PCCA: variants seen among roughly 807,000 people sequenced by gnomAD.
PCCA encodes the protein propionyl-CoA carboxylase subunit alpha.
Under a neutral mutation model 101.3 loss-of-function variants are expected in PCCA, and 74 were observed. The ratio of observed to expected loss-of-function variants is 0.73; its 90% CI spans 0.61 to 0.89. The LOEUF (loss-of-function observed/expected upper bound fraction) is 0.89, where lower values mean the gene tolerates loss of function less well. Ranked by LOEUF, PCCA falls within the 40% of genes least tolerant of loss-of-function variation. PCCA has a pLI of 0.00. For missense variants in PCCA, 891 were observed against 907.0 expected (o/e 0.98, Z 0.23); for synonymous variants, 294 against 313.6 (o/e 0.94, Z 0.66).
chr13:100,430,143 C>T (rs528687083), intron 20 of PCCA, among the ~76,000 whole-genome samples: 42 of 151,976 alleles, frequency 2.8e-4, no homozygotes, highest in Admixed American at 2.2e-3. Context: ...GGCATGGTGG[C>T]GCATGCCTGT....
chr13:100,173,232 A>G (rs1197555370), intron 6 of PCCA, among the ~76,000 whole-genome samples: 4 of 152,214 alleles, frequency 2.6e-5, no homozygotes, highest in Non-Finnish European at 4.4e-5. Context: ...GGTGATCTGT[A>G]GTGGTGTCTA....
At chr13:100,122,694 T>G (rs186742118) in intron 4 of PCCA, among the ~76,000 whole-genome samples, 14 of 152,194 alleles carry the variant, frequency 9.2e-5, no homozygotes, top group Admixed American at 3.3e-4. Context: ...CCTTCCCTTT[T>G]TTCTTGGTCA....
chr13:100,154,614 C>T (rs1367555911), intron 4 of PCCA: 4 of 325,708 alleles, frequency 1.2e-5, no homozygotes, highest in African/African-American at 8.7e-5. Flanking sequence ...GGCATGAGTG[C>T]TCTTTATTAA....
chr13:100,377,515 G>A (rs149555304), intron 19 of PCCA, among the ~76,000 whole-genome samples: 1,651 of 151,888 alleles, frequency 0.011, 36 homozygotes, highest in African/African-American at 0.037. Flanking sequence ...ATTTTTTTGA[G>A]ACAGAGTCTC....
At chr13:100,280,046 C>T (rs1237211277) in intron 12 of PCCA, among the ~76,000 whole-genome samples, 2 of 147,332 alleles carry the variant, frequency 1.4e-5, no homozygotes, top group Non-Finnish European at 3.0e-5. Context: ...AATGCATCTT[C>T]ACTTTCTACA....
intron 16 of PCCA, among the ~76,000 whole-genome samples, chr13:100,327,121 G>A (rs2068779959): frequency 6.6e-6 from 1 of 152,032 alleles, no homozygotes; most frequent in African/African-American, 2.4e-5. Context: ...TCAATTTCAT[G>A]AGTTTTGACA....
chr13:100,469,759 G>A (rs1202610033), intron 21 of PCCA, among the ~76,000 whole-genome samples: 1 of 151,604 alleles, frequency 6.6e-6, no homozygotes, highest in African/African-American at 2.4e-5. Context: ...CAGCCTGGGC[G>A]ACAGAGTTAG....
At chr13:100,275,585 G>T (rs529716451) in intron 12 of PCCA, among the ~76,000 whole-genome samples, 2 of 152,172 alleles carry the variant, frequency 1.3e-5, no homozygotes, top group East Asian at 3.9e-4. Context: ...TTGACCATTT[G>T]CTCCTTAGAA....
At position 100,094,516 on chromosome 13, in the gene PCCA, G is replaced by A. The variant is rs541896070; in HGVS notation, c.105+5291G>A. Among the ~76,000 whole-genome samples the A allele has an allele frequency of 3.9e-5, 6 of 152,274 alleles. No individual in the cohort carries two copies. The South Asian group carries it at 1.2e-3, about 32-fold the overall frequency. On this transcript the variant is annotated intron_variant, in intron 1 of 23. Coordinates refer to ENST00000376285, the MANE Select transcript of PCCA (RefSeq NM_000282.4). Reference sequence around the variant, plus strand: ...AGATCAAAATAAAAGTGAATTTAAAGAATGTTGGAAGATACAGTTTTGTGA... The same window carrying A: ...AGATCAAAATAAAAGTGAATTTAAAAAATGTTGGAAGATACAGTTTTGTGA...
chr13:100,524,733 G>T (rs1429578920), intron 22 of PCCA, among the ~76,000 whole-genome samples: 1 of 152,002 alleles, frequency 6.6e-6, no homozygotes, highest in Non-Finnish European at 1.5e-5. Flanking sequence ...TTAGCTGGGC[G>T]TGGTGGTGCA....
At chr13:100,374,942 CTTTTAA>C (rs1353789259) in intron 19 of PCCA, among the ~76,000 whole-genome samples, 1 of 152,124 alleles carries the variant, frequency 6.6e-6, no homozygotes, top group Admixed American at 6.5e-5. Context: ...TTCTCTAGTT[CTTTTAA>C]TTGTGATGTT....
intron 8 of PCCA, among the ~76,000 whole-genome samples, chr13:100,238,676 C>G (rs191545297): frequency 2.0e-5 from 3 of 152,324 alleles, no homozygotes; most frequent in Admixed American, 2.0e-4. Context: ...TGAATCACCT[C>G]AGAAGCCTCG....
At chr13:100,294,257 G>A (rs1452299058) in intron 12 of PCCA, among the ~76,000 whole-genome samples, 2 of 152,104 alleles carry the variant, frequency 1.3e-5, no homozygotes, top group Non-Finnish European at 2.9e-5. Flanking sequence ...TTTAACCTGA[G>A]CACTTCTTTA....
At chr13:100,327,770 C>T (rs141059958) in intron 16 of PCCA, among the ~76,000 whole-genome samples, 24 of 152,312 alleles carry the variant, frequency 1.6e-4, no homozygotes, top group African/African-American at 3.6e-4. Context: ...GGTATATTGA[C>T]GGCATCTCAT....
At chr13:100,483,389 C>G (rs2084110759) in intron 21 of PCCA, among the ~76,000 whole-genome samples, 1 of 152,230 alleles carries the variant, frequency 6.6e-6, no homozygotes, top group South Asian at 2.1e-4. Flanking sequence ...TTTCTCCTCT[C>G]AGCACACACT....
intron 8 of PCCA, among the ~76,000 whole-genome samples, chr13:100,245,504 G>A (rs527812876): frequency 3.9e-5 from 6 of 152,196 alleles, no homozygotes; most frequent in East Asian, 1.9e-4. Context: ...ATTCTCATTC[G>A]TCAGGTTGTA....
At chr13:100,302,807 G>A (rs371090828) in intron 13 of PCCA, 117 bp from the exon 14 acceptor site, 652 of 741,090 alleles carry the variant, frequency 8.8e-4, no homozygotes, top group Non-Finnish European at 1.4e-3. Context: ...CTGTGATTTG[G>A]TAAATACCAT....
At chr13:100,474,031 G>A (rs1264879927) in intron 21 of PCCA, among the ~76,000 whole-genome samples, 1 of 152,192 alleles carries the variant, frequency 6.6e-6, no homozygotes, top group Non-Finnish European at 1.5e-5. Flanking sequence ...AACCCCCTGG[G>A]TAGAGTTCCC....
intron 7 of PCCA, among the ~76,000 whole-genome samples, chr13:100,224,226 C>G (rs1480087941): frequency 1.3e-5 from 2 of 152,362 alleles, no homozygotes; most frequent in East Asian, 3.9e-4. Context: ...GGCGAGAAAT[C>G]GAGCGCAGTG....
Sources: allele counts gnomAD v4.1 joint callset (sites outside exome capture counted in the v4.1 genomes callset), GRCh38; gene constraint gnomAD v4.1.1; transcripts MANE v1.5; gene names NCBI Gene and HGNC (gene_info 2026-07-23, HGNC 2026-07-21).